MACIR: variants seen among roughly 807,000 people sequenced by gnomAD.
The protein encoded by MACIR is UNC119-binding protein C5orf30.
MACIR carries 4 observed loss-of-function variants against 14.3 expected under a neutral mutation model. The ratio of observed to expected loss-of-function variants is 0.28; its 90% CI spans 0.14 to 0.64. The LOEUF (loss-of-function observed/expected upper bound fraction) is 0.64. Among genes scored for constraint, MACIR ranks in the 30% least tolerant of loss-of-function variants. The pLI, the probability that MACIR is intolerant of heterozygous loss-of-function variation, is 0.83. For missense variants in MACIR, 228 were observed against 257.6 expected, an observed-to-expected ratio of 0.89 and a Z score of 0.79; for synonymous variants, 101 against 102.4, an observed-to-expected ratio of 0.99 and a Z score of 0.08.
chr5:103,266,453 C>T (rs995924749), intron 2 of MACIR, among the ~76,000 whole-genome samples: 6 of 152,060 alleles, frequency 3.9e-5, no homozygotes, highest in African/African-American at 4.8e-5. Context: ...TTCACTTAGT[C>T]GTACAGCAGT....
intron 1 of MACIR, among the ~76,000 whole-genome samples, chr5:103,261,701 T>TC (rs1491166029): frequency 6.0e-5 from 7 of 116,102 alleles, no homozygotes; most frequent in African/African-American, 2.5e-4. Context: ...TTTCTTTCTT[T>TC]CTTCCTTTCT....
At chr5:103,275,783 T>G (rs1805299733) in intron 2 of MACIR, 114 bp from the exon 3 acceptor site, 1 of 821,648 alleles carries the variant, frequency 1.2e-6, no homozygotes, top group Non-Finnish European at 1.9e-6. Context: ...AGTGGTACAT[T>G]GACTGTCTTT....
intron 2 of MACIR, among the ~76,000 whole-genome samples, chr5:103,270,399 C>T (rs575937470): frequency 9.9e-5 from 15 of 152,104 alleles, no homozygotes; most frequent in East Asian, 3.9e-4. Flanking sequence ...TGTAAATACG[C>T]GGAAAAAGGA....
chr5:103,276,764 A>C lies in MACIR; in HGVS notation c.*224A>C. 1 of 412,436 alleles carries C rather than the reference A, an allele frequency of 2.4e-6. No homozygotes were observed. Among genetic ancestry groups the C allele is most frequent in the Non-Finnish European group, 4.5e-6 (1 of 224,244 alleles). 25.5% of individuals were successfully genotyped at this position (412,436 alleles called of 1,614,324 possible). On this transcript the variant is annotated 3_prime_UTR_variant, in exon 3 of 3. Coordinates refer to ENST00000319933, the MANE Select transcript of MACIR (RefSeq NM_033211.4). ...AGCACGCAACTGCAAAGAAAACAGA[A>C]TGTTGACTGTTAGTTTGTATAGCTT...
chr5:103,262,785 T>G (rs782398700), intron 1 of MACIR, among the ~76,000 whole-genome samples: 1 of 152,210 alleles, frequency 6.6e-6, no homozygotes, highest in Non-Finnish European at 1.5e-5. Context: ...TATTATATCT[T>G]GTAGCCTTTG....
intron 1 of MACIR, among the ~76,000 whole-genome samples, chr5:103,260,786 T>C (rs1202522683): frequency 3.3e-5 from 5 of 152,198 alleles, no homozygotes; most frequent in Admixed American, 2.0e-4. Flanking sequence ...ATTTCTTTGC[T>C]GATTTGTAGC....
intron 1 of MACIR, among the ~76,000 whole-genome samples, chr5:103,261,990 G>T (rs1197206599): frequency 1.3e-5 from 2 of 151,912 alleles, no homozygotes; most frequent in African/African-American, 4.8e-5. Flanking sequence ...CTGCTGTTTT[G>T]TTAGTGATCT....
In MACIR at chr5:103,276,375, T is replaced by C. The variant is rs781906600; in HGVS notation, c.456T>C (p.Pro152=). 2 of 1,613,692 alleles carry C rather than the reference T, an allele frequency of 1.2e-6. No individual in the cohort carries two copies. Among genetic ancestry groups the C allele is most frequent in the Non-Finnish European group, 8.5e-7 (1 of 1,179,986 alleles). The change falls in exon 3 of 3, where the codon CCT becomes CCC. Residue 152 remains proline, a synonymous_variant. Coordinates refer to ENST00000319933, the MANE Select transcript of MACIR (RefSeq NM_033211.4). ...PYEPYKALHG[P]LPLCLLKGKR... The stretch of plus-strand genomic sequence containing the variant: ...AACCTTACAAGGCCCTCCATGGGCC[T>C]CTGCCTCTTTGTCTTCTTAAAGGTA...
At chr5:103,268,691 AC>A (rs1337267180) in intron 2 of MACIR, among the ~76,000 whole-genome samples, 2 of 152,200 alleles carry the variant, frequency 1.3e-5, no homozygotes, top group East Asian at 3.9e-4. Flanking sequence ...GGGATGGAAA[AC>A]AGACATCAGC....
At chr5:103,274,616 A>G (rs1805253392) in intron 2 of MACIR, among the ~76,000 whole-genome samples, 1 of 151,568 alleles carries the variant, frequency 6.6e-6, no homozygotes, top group Non-Finnish European at 1.5e-5. Flanking sequence ...TCTCCTAATG[A>G]AGGAAATTAG....
At position 103,275,930 on chromosome 5, in the gene MACIR, A is replaced by G; in HGVS notation, c.11A>G (p.Asp4Gly). The G allele has an allele frequency of 6.2e-7, 1 of 1,611,290 alleles. No homozygotes were observed. Among genetic ancestry groups the G allele is most frequent in the Non-Finnish European group, 8.5e-7 (1 of 1,178,590 alleles). MEVDINGESRSTLT... is the reference protein window; with the variant it reads MEVGINGESRSTLT... The stretch of plus-strand genomic sequence containing the variant: ...AGACTGGTGCTTAAAATGGAAGTCG[A>G]TATTAATGGAGAGTCTAGAAGTACC... The change falls in exon 3 of 3, where the codon GAT becomes GGT. Residue 4 changes from aspartate to glycine, a missense_variant. By Grantham distance (94) the Asp-to-Gly change is moderately conservative. Transcript: ENST00000319933.
chr5:103,276,008 A>G lies in MACIR; in HGVS notation c.89A>G (p.Glu30Gly). The change falls in exon 3 of 3, where the codon GAG becomes GGG. Residue 30 changes from glutamate to glycine, a missense_variant. Physicochemically the swap from Glu to Gly is moderately conservative, Grantham distance 98. Coordinates refer to ENST00000319933, the MANE Select transcript of MACIR (RefSeq NM_033211.4). ...GAEANSPGKA[E>G]AEKPRCSSTP... ...GAGGCCAACTCCCCGGGAAAGGCGG[A>G]GGCAGAGAAGCCCCGCTGCTCCAGC... 3.1e-6 allele frequency: 5 copies of G among 1,614,066 alleles called. No homozygotes were observed. Among genetic ancestry groups the G allele is most frequent in the Non-Finnish European group, 4.2e-6 (5 of 1,180,020 alleles).
intron 2 of MACIR, 25 bp from the exon 3 acceptor site, chr5:103,275,872 C>G: frequency 6.4e-7 from 1 of 1,563,462 alleles, no homozygotes; most frequent in Non-Finnish European, 8.7e-7. Flanking sequence ...TTATATTCTT[C>G]TAATCTAAGT....
intron 2 of MACIR, among the ~76,000 whole-genome samples, chr5:103,272,777 C>T (rs1440284789): frequency 9.9e-5 from 15 of 152,084 alleles, no homozygotes; most frequent in Admixed American, 9.2e-4. Context: ...TTGTTTCCAG[C>T]GTTCATGTTC....
intron 2 of MACIR, among the ~76,000 whole-genome samples, chr5:103,267,819 A>G (rs1804981859): frequency 6.6e-6 from 1 of 152,194 alleles, no homozygotes; most frequent in South Asian, 2.1e-4. Context: ...ACTACAGTCA[A>G]CAAATAGAAC....
chr5:103,272,690 C>T (rs1805177661), intron 2 of MACIR, among the ~76,000 whole-genome samples: 1 of 152,086 alleles, frequency 6.6e-6, no homozygotes, highest in African/African-American at 2.4e-5. Context: ...CTTGGTGCAG[C>T]ATAGTAGATG....
intron 2 of MACIR, among the ~76,000 whole-genome samples, chr5:103,268,124 T>C (rs886805762): frequency 3.3e-5 from 5 of 152,236 alleles, no homozygotes; most frequent in Non-Finnish European, 4.4e-5. Context: ...TGTTTGTGAA[T>C]GAAGCTGTCA....
intron 2 of MACIR, among the ~76,000 whole-genome samples, chr5:103,268,830 T>G (rs912698044): frequency 7.2e-5 from 11 of 151,888 alleles, no homozygotes; most frequent in African/African-American, 2.4e-4. Flanking sequence ...TATGTGGCTC[T>G]GGGCAGGACC....
intron 1 of MACIR, among the ~76,000 whole-genome samples, chr5:103,260,568 A>G (rs1432765728): frequency 2.6e-5 from 4 of 152,242 alleles, no homozygotes; most frequent in African/African-American, 7.2e-5. Flanking sequence ...TGTATAGAAT[A>G]TGCTTTTGCT....
Sources: allele counts gnomAD v4.1 joint callset (sites outside exome capture counted in the v4.1 genomes callset), GRCh38; gene constraint gnomAD v4.1.1; transcripts MANE v1.5; gene names NCBI Gene and HGNC (gene_info 2026-07-23, HGNC 2026-07-21).